Variants in TFPI observed in about 807,000 individuals in gnomAD.
TFPI encodes the protein anti-convertin.
In TFPI, 15 loss-of-function variants were observed where a neutral mutation model predicts 34.6. The observed-to-expected ratio is 0.43, with a 90% confidence interval of 0.29 to 0.67. The LOEUF (loss-of-function observed/expected upper bound fraction) is 0.67. Ranked by LOEUF, TFPI falls within the 30% of genes least tolerant of loss-of-function variation. TFPI has a pLI of 0.15. For synonymous variants in TFPI, 105 were observed against 120.1 expected, an observed-to-expected ratio of 0.87 and a Z score of 0.82; for missense variants, 301 against 364.0, an observed-to-expected ratio of 0.83 and a Z score of 1.41.
intron 1 of TFPI, among the ~76,000 whole-genome samples, chr2:187,537,853 A>G (rs1372351061): frequency 2.0e-5 from 3 of 152,242 alleles, no homozygotes; most frequent in Non-Finnish European, 4.4e-5. Flanking sequence ...ACAAAGGGCT[A>G]ATATTCAGAA....
chr2:187,477,251 G>A (rs369039283), intron 6 of TFPI, among the ~76,000 whole-genome samples: 2 of 152,178 alleles, frequency 1.3e-5, no homozygotes, highest in East Asian at 3.9e-4. Context: ...CTGTCAGGAA[G>A]TAGAAAACTT....
Position 187,464,590 on chromosome 2 carries a change from A to G in TFPI, c.*2346T>C, listed in dbSNP as rs1224570602. 1 of 152,188 alleles carries G rather than the reference A, an allele frequency of 6.6e-6. No individual in the cohort carries two copies. Among genetic ancestry groups the G allele is most frequent in the African/African-American group, 2.4e-5 (1 of 41,448 alleles). 9.4% of individuals were successfully genotyped at this position (152,188 alleles called of 1,614,324 possible). A position where few individuals can be genotyped will look rare whatever the true frequency, so the allele number is the denominator to read the frequency against. On this transcript the variant is annotated 3_prime_UTR_variant, in exon 8 of 8. Coordinates refer to ENST00000233156, the MANE Select transcript of TFPI (RefSeq NM_006287.6). Reference sequence around the variant, plus strand: ...GGCAACTCATCAATGCGCTATTTATACAATCTTAGTGACTATTTACCACTT... The same window carrying G: ...GGCAACTCATCAATGCGCTATTTATGCAATCTTAGTGACTATTTACCACTT...
chr2:187,485,236 A>G (rs771335945), intron 4 of TFPI, among the ~76,000 whole-genome samples: 1 of 151,784 alleles, frequency 6.6e-6, no homozygotes, highest in Non-Finnish European at 1.5e-5. Context: ...TTACAAATTT[A>G]AGGAATAAAA....
rs77029421 is a variant in TFPI, at chr2:187,541,157, A to G, written c.-3+13043T>C. Among the ~76,000 whole-genome samples the G allele has an allele frequency of 9.7e-3, 1,473 of 152,326 alleles. 16 individuals are homozygous for G. Among genetic ancestry groups the G allele is most frequent in the African/African-American group, 0.029 (1,219 of 41,574 alleles). On this transcript the variant is annotated intron_variant, in intron 1 of 7. Transcript: ENST00000233156. ...AAACTAAAAAGTTATCCTAACATGT[A>G]TACTTGAAAGTTTTCACAGAGCAAT...
At chr2:187,522,274 T>C (rs1320783915) in intron 1 of TFPI, among the ~76,000 whole-genome samples, 1 of 152,068 alleles carries the variant, frequency 6.6e-6, no homozygotes, top group Non-Finnish European at 1.5e-5. Flanking sequence ...ATTCAAAAAA[T>C]CATTGCCAAG....
chr2:187,467,991 T>C (rs1691808161), intron 6 of TFPI, 59 bp from the exon 7 acceptor site: 6 of 1,386,220 alleles, frequency 4.3e-6, no homozygotes, highest in Non-Finnish European at 5.8e-6. Flanking sequence ...CAGGTTTTCG[T>C]ATTGTATATT....
intron 2 of TFPI, among the ~76,000 whole-genome samples, chr2:187,500,885 A>C (rs1685804972): frequency 6.6e-6 from 1 of 152,140 alleles, no homozygotes; most frequent in Non-Finnish European, 1.5e-5. Flanking sequence ...TTTGAATGTT[A>C]ATAATTGGGT....
chr2:187,521,905 C>T (rs1045691812), intron 1 of TFPI, among the ~76,000 whole-genome samples: 2 of 152,040 alleles, frequency 1.3e-5, no homozygotes, highest in Admixed American at 1.3e-4. Flanking sequence ...CAACATGTTA[C>T]ATTTCGAGTT....
At chr2:187,552,934 T>C (rs554262619) in intron 1 of TFPI, among the ~76,000 whole-genome samples, 2 of 152,252 alleles carry the variant, frequency 1.3e-5, no homozygotes, top group South Asian at 4.1e-4. Context: ...ATTAATATTT[T>C]TCAATCTTTG....
chr2:187,544,508 G>A (rs1038168477), intron 1 of TFPI: 6 of 152,104 alleles, frequency 3.9e-5, no homozygotes, highest in African/African-American at 7.2e-5. Flanking sequence ...TCAAACCTCC[G>A]TTATAATTGC....
At chr2:187,504,414 G>A (rs1009926218) in intron 1 of TFPI, among the ~76,000 whole-genome samples, 6 of 152,036 alleles carry the variant, frequency 3.9e-5, no homozygotes, top group East Asian at 1.9e-4. Context: ...TCATTATTCC[G>A]CAGTTTAGGG....
intron 6 of TFPI, among the ~76,000 whole-genome samples, chr2:187,468,524 C>T (rs993376517): frequency 6.8e-6 from 1 of 148,014 alleles, no homozygotes; most frequent in Non-Finnish European, 1.5e-5. Context: ...AGTTGTTTGT[C>T]TTGGTAGCAT....
At chr2:187,497,216 G>A (rs1685544787) in intron 2 of TFPI, 138 bp from the exon 3 acceptor site, 5 of 820,526 alleles carry the variant, frequency 6.1e-6, no homozygotes, top group Non-Finnish European at 7.3e-6. Context: ...AAGTTATTCA[G>A]TTATCAAAAT....
intron 1 of TFPI, among the ~76,000 whole-genome samples, chr2:187,506,294 C>T (rs1350065302): frequency 6.6e-6 from 1 of 151,764 alleles, no homozygotes; most frequent in African/African-American, 2.4e-5. Context: ...TCCTGGCTTT[C>T]TAATAGAAAC....
intron 6 of TFPI, among the ~76,000 whole-genome samples, chr2:187,470,343 C>T (rs1389587927): frequency 6.6e-6 from 1 of 152,108 alleles, no homozygotes. Flanking sequence ...TGACAGGGAG[C>T]AAACTTCTTC....
At chr2:187,503,815 A>G in intron 1 of TFPI, 45 bp from the exon 2 acceptor site, 1 of 1,599,874 alleles carries the variant, frequency 6.3e-7, no homozygotes, top group Non-Finnish European at 8.5e-7. Context: ...AAGTGTTAAT[A>G]TGCACTCATT....
In TFPI at chr2:187,544,138, G is replaced by A. The variant is rs144663460; in HGVS notation, c.-3+10062C>T. The stretch of plus-strand genomic sequence containing the variant: ...AATATAACCTCACAGTTGTTTTGCT[G>A]TTTTTGCTTTCACAAAAGAGCTATT... On this transcript the variant is annotated intron_variant, in intron 1 of 7. Transcript: ENST00000233156. 2.4e-4 allele frequency among the ~76,000 whole-genome samples: 36 copies of A among 152,232 alleles called. 1 individual carries two copies. The highest frequency in any genetic ancestry group is 8.7e-4 in the African/African-American group (36 of 41,542).
At chr2:187,503,504 C>CACACACAA in intron 2 of TFPI, 144 bp downstream of exon 2, 1 of 761,584 alleles carries the variant, frequency 1.3e-6, no homozygotes, top group Non-Finnish European at 2.0e-6. Context: ...CACACACATA[C>CACACACAA]ATTAGGTATA....
intron 1 of TFPI, among the ~76,000 whole-genome samples, chr2:187,542,441 T>C (rs371873604): frequency 1.2e-3 from 187 of 152,240 alleles, no homozygotes; most frequent in African/African-American, 4.1e-3. Flanking sequence ...AATTTCTTGC[T>C]GTGATTAAAT....
Sources: gnomAD v4.1 joint callset for allele counts (sites outside exome capture counted in the v4.1 genomes callset) on GRCh38, gnomAD v4.1.1 for gene constraint, MANE v1.5 for transcripts, NCBI Gene and HGNC (gene_info 2026-07-23, HGNC 2026-07-21) for gene names.